FOXP1: variants seen among roughly 807,000 people sequenced by gnomAD.
FOXP1 encodes forkhead box protein P1.
In FOXP1, 15 loss-of-function variants were observed where a neutral mutation model predicts 98.2. The observed-to-expected ratio is 0.15, with a 90% CI of 0.10 to 0.24. The LOEUF is 0.24. Ranked by LOEUF, FOXP1 falls within the 10% of genes least tolerant of loss-of-function variation. The pLI is 1.00. For missense variants in FOXP1, 633 were observed against 848.5 expected (o/e 0.75, Z 3.15); for synonymous variants, 371 against 314.5 (o/e 1.18, Z -1.90).
At chr3:71,215,948 T>C (rs2064881337) in intron 5 of FOXP1, among the ~76,000 whole-genome samples, 1 of 152,240 alleles carries the variant, frequency 6.6e-6, no homozygotes, top group South Asian at 2.1e-4. Context: ...TTCTCCTTTG[T>C]ATATGCAGTT....
intron 3 of FOXP1, among the ~76,000 whole-genome samples, chr3:71,413,475 A>G (rs2082959344): frequency 6.6e-6 from 1 of 152,028 alleles, no homozygotes; most frequent in Non-Finnish European, 1.5e-5. Flanking sequence ...TACTTGTTTA[A>G]TTTCTGTCTT....
intron 3 of FOXP1, among the ~76,000 whole-genome samples, chr3:71,480,099 C>T (rs527888739): frequency 2.0e-5 from 3 of 152,056 alleles, no homozygotes; most frequent in East Asian, 3.9e-4. Context: ...AGGAGGCTAA[C>T]GCAGAAGAAT....
chr3:71,417,088 G>T (rs1045817705), intron 3 of FOXP1, among the ~76,000 whole-genome samples: 1 of 152,156 alleles, frequency 6.6e-6, no homozygotes, highest in Non-Finnish European at 1.5e-5. Flanking sequence ...AAAAACTAGA[G>T]GAGGTCCTTA....
intron 6 of FOXP1, among the ~76,000 whole-genome samples, chr3:71,163,859 C>T (rs2061268352): frequency 7.5e-6 from 1 of 133,564 alleles, no homozygotes; most frequent in African/African-American, 3.0e-5. Context: ...GCACTTGCCC[C>T]CTTTTAATCA....
chr3:71,312,416 C>G (rs1249974619), intron 4 of FOXP1, among the ~76,000 whole-genome samples: 1 of 152,206 alleles, frequency 6.6e-6, no homozygotes. Flanking sequence ...ACGAAGAATT[C>G]AGGCTTCAAG....
chr3:71,373,777 T>C (rs897761972), intron 3 of FOXP1, among the ~76,000 whole-genome samples: 1 of 152,184 alleles, frequency 6.6e-6, no homozygotes, highest in African/African-American at 2.4e-5. Flanking sequence ...TGGACACGCA[T>C]CTTAGGTGGA....
chr3:71,437,394 G>A (rs2085468714), intron 3 of FOXP1, among the ~76,000 whole-genome samples: 1 of 152,128 alleles, frequency 6.6e-6, no homozygotes, highest in Admixed American at 6.5e-5. Context: ...GTGACAGAAT[G>A]AGACCCTGTC....
chr3:71,162,699 T>C (rs72951365), intron 6 of FOXP1, among the ~76,000 whole-genome samples: 3,554 of 152,294 alleles, frequency 0.023, 152 homozygotes, highest in African/African-American at 0.081. Context: ...CCATTGTTAC[T>C]TGCCAACATG....
chr3:71,103,427 A>G (rs964542403), intron 7 of FOXP1, among the ~76,000 whole-genome samples: 2 of 152,234 alleles, frequency 1.3e-5, no homozygotes, highest in African/African-American at 2.4e-5. Flanking sequence ...TCTAAGCACC[A>G]AACTTTTCGA....
intron 4 of FOXP1, among the ~76,000 whole-genome samples, chr3:71,310,134 T>C (rs140280045): frequency 0.021 from 3,273 of 152,328 alleles, 52 homozygotes; most frequent in Middle Eastern, 0.044. Context: ...TGCTGGACAA[T>C]GGATGATCAG....
chr3:71,234,437 T>C (rs374445523), intron 5 of FOXP1, among the ~76,000 whole-genome samples: 3 of 152,206 alleles, frequency 2.0e-5, no homozygotes, highest in Non-Finnish European at 2.9e-5. Flanking sequence ...GCAAAAGAAC[T>C]GACAATAAAA....
rs560924626 is a variant in FOXP1 at position 71,483,481 on chromosome 3, T to C, written c.-168+9945A>G. Among the ~76,000 whole-genome samples the C allele has an allele frequency of 1.3e-3, 199 of 152,276 alleles. 1 individual carries two copies. Among genetic ancestry groups the C allele is most frequent in the African/African-American group, 4.7e-3 (195 of 41,560 alleles). On this transcript the variant is annotated intron_variant, in intron 3 of 20. Coordinates refer to ENST00000649528, the MANE Select transcript of FOXP1 (RefSeq NM_001349338.3). ...GCAAACTATAGGCGCGTGGGCCACA[T>C]CCAACCTGCCACCAGTGAGCTAGTT...
intron 7 of FOXP1, among the ~76,000 whole-genome samples, chr3:71,075,691 C>G (rs1010106946): frequency 2.0e-5 from 3 of 148,636 alleles, no homozygotes; most frequent in Non-Finnish European, 4.4e-5. Flanking sequence ...ACACTGAGCT[C>G]TCAAGGACCC....
At chr3:71,106,499 C>A (rs1488323467) in intron 7 of FOXP1, among the ~76,000 whole-genome samples, 2 of 151,992 alleles carry the variant, frequency 1.3e-5, no homozygotes, top group Admixed American at 6.6e-5. Flanking sequence ...CCACGCCCAG[C>A]TAATTTTTGC....
intron 3 of FOXP1, among the ~76,000 whole-genome samples, chr3:71,422,027 A>G (rs749739776): frequency 1.4e-4 from 21 of 152,324 alleles, no homozygotes; most frequent in Middle Eastern, 6.8e-3. Flanking sequence ...TTTTTAAGAC[A>G]GTCTGCAGTC....
At chr3:71,239,493 G>A (rs1252138267) in intron 5 of FOXP1, among the ~76,000 whole-genome samples, 10 of 152,062 alleles carry the variant, frequency 6.6e-5, no homozygotes, top group Admixed American at 2.6e-4. Flanking sequence ...GCAGTGAGCC[G>A]AGATCACGCC....
intron 2 of FOXP1, chr3:71,570,709 A>G (rs144171849): frequency 6.6e-6 from 1 of 152,370 alleles, no homozygotes; most frequent in African/African-American, 2.4e-5. Flanking sequence ...CCTTTCACCA[A>G]GTTGAAATCT....
At chr3:71,077,825 C>A (rs1328814465) in intron 7 of FOXP1, among the ~76,000 whole-genome samples, 1 of 146,020 alleles carries the variant, frequency 6.8e-6, no homozygotes, top group Non-Finnish European at 1.5e-5. Context: ...ATTTATGTTT[C>A]CTGTGCATAT....
intron 2 of FOXP1, among the ~76,000 whole-genome samples, chr3:71,532,065 G>A (rs1310069472): frequency 6.6e-6 from 1 of 152,040 alleles, no homozygotes; most frequent in East Asian, 1.9e-4. Flanking sequence ...TATCTCTCTT[G>A]CAAAAGTTCC....
Sources: gnomAD v4.1 joint callset for allele counts (sites outside exome capture counted in the v4.1 genomes callset) on GRCh38, gnomAD v4.1.1 for gene constraint, MANE v1.5 for transcripts, NCBI Gene and HGNC (gene_info 2026-07-23, HGNC 2026-07-21) for gene names.